Variants in SCAF11 observed in about 807,000 individuals in gnomAD.
SCAF11 encodes the protein protein SCAF11.
In SCAF11, 47 loss-of-function variants were observed where a neutral mutation model predicts 140.5. The observed-to-expected ratio is 0.33, with a 90% CI of 0.26 to 0.43. The LOEUF is 0.43. SCAF11 is among the 20% of genes least tolerant of loss of function. SCAF11 has a pLI of 1.00. For synonymous variants in SCAF11, 557 were observed against 579.4 expected (o/e 0.96, Z 0.55); for missense variants, 1,645 against 1,705.1 (o/e 0.96, Z 0.62).
rs1946570712 is a variant in SCAF11, at chr12:45,990,462, T to C, written c.-131A>G. 1.6e-6 allele frequency: 2 copies of C among 1,231,120 alleles called. No homozygotes were observed. The highest frequency in any genetic ancestry group is 8.2e-5 in the South Asian group (2 of 24,296). 76.3% of individuals were successfully genotyped at this position (1,231,120 alleles called of 1,614,324 possible). A position where few individuals can be genotyped will look rare whatever the true frequency, so the allele number is the denominator to read the frequency against. ...AACATGGACTCCTTCGTCCGCTTTG[T>C]GGTGTTACAGGGTCTCTAGGACACT... is the stretch of plus-strand genomic sequence containing the variant. On this transcript the variant is annotated 5_prime_UTR_variant, in exon 1 of 15. Transcript: ENST00000369367.
chr12:45,930,761 T>C (rs1474179623), intron 10 of SCAF11, among the ~76,000 whole-genome samples: 1 of 152,208 alleles, frequency 6.6e-6, no homozygotes, highest in Non-Finnish European at 1.5e-5. Context: ...ATCATAGATT[T>C]GTATATATTT....
rs896451604 is a variant in SCAF11, at chr12:45,990,535, C to A, written c.-204G>T. 5.7e-6 allele frequency: 7 copies of A among 1,231,818 alleles called. No individual in the cohort carries two copies. In the African/African-American group the frequency reaches 9.3e-5, roughly 16 times the overall value. The allele number at this position is 1,231,818 out of a possible 1,614,324, so 76.3% of individuals were successfully genotyped here. ...GGCGGCGGCGAAGCAGGGAGCGACC[C>A]AGGTTGCGCTGCTCCGCGCGGCTTA... On this transcript the variant is annotated 5_prime_UTR_variant, in exon 1 of 15. Transcript: ENST00000369367.
At chr12:45,964,251 A>G in intron 1 of SCAF11, 63 bp from the exon 2 acceptor site, 1 of 774,606 alleles carries the variant, frequency 1.3e-6, no homozygotes, top group Non-Finnish European at 2.1e-6. Flanking sequence ...TCAATTAAAA[A>G]AAAATCCTAA....
Position 45,956,703 on chromosome 12 carries a change from T to G in SCAF11, c.220-4976A>C, listed in dbSNP as rs1320688712. Reference sequence around the variant, plus strand: ...AAGATACCAGTTGGGGAGAATTACATGTAATCTTAATTTATTCTGACAATA... The same window carrying G: ...AAGATACCAGTTGGGGAGAATTACAGGTAATCTTAATTTATTCTGACAATA... On this transcript the variant is annotated intron_variant, in intron 3 of 14. Coordinates refer to ENST00000369367, the MANE Select transcript of SCAF11 (RefSeq NM_004719.3). Among the ~76,000 whole-genome samples the G allele has an allele frequency of 2.6e-5, 4 of 152,172 alleles. No homozygotes were observed. In the East Asian group the frequency reaches 7.7e-4, roughly 29 times the overall value.
At chr12:45,988,800 A>T (rs1170513439) in intron 1 of SCAF11, among the ~76,000 whole-genome samples, 1 of 152,204 alleles carries the variant, frequency 6.6e-6, no homozygotes, top group African/African-American at 2.4e-5. Flanking sequence ...TCACTATCTG[A>T]ATGTGAAAAA....
At chr12:45,973,000 A>G in intron 1 of SCAF11, among the ~76,000 whole-genome samples, 1 of 144,722 alleles carries the variant, frequency 6.9e-6, no homozygotes, top group South Asian at 2.2e-4. Context: ...ATAGATATAT[A>G]GATATATATA....
upstream of SCAF11, chr12:45,990,586 G>A (rs1946577329): frequency 5.7e-6 from 7 of 1,228,052 alleles, no homozygotes; most frequent in African/African-American, 1.6e-5. Flanking sequence ...CCCTTCCCCC[G>A]CCTTGTCTAG....
chr12:45,957,850 A>T (rs187825569), intron 3 of SCAF11, among the ~76,000 whole-genome samples: 168 of 152,238 alleles, frequency 1.1e-3, no homozygotes, highest in South Asian at 4.4e-3. Context: ...TAAGGGCCAA[A>T]TTTTTAATCA....
rs1179170000 is a variant in SCAF11, at chr12:45,926,198, T to C, written c.3503A>G (p.Asn1168Ser). ...VQNYYSRRGRNSSGPQSGWMK... is the reference protein window; with the variant it reads ...VQNYYSRRGRSSSGPQSGWMK... ...CCATCCAGACTGTGGACCTGAAGAA[T>C]TTCTGCCTCGTCGTGAGTAGTAGTT... Residue 1168 changes from asparagine to serine, a missense_variant, in exon 11 of 15, where the codon AAT becomes AGT. Transcript: ENST00000369367. The C allele has an allele frequency of 6.2e-7, 1 of 1,614,216 alleles. No homozygotes were observed. The highest frequency in any genetic ancestry group is 1.1e-5 in the South Asian group (1 of 91,086).
At chr12:45,990,093 G>C (rs1273193455) in intron 1 of SCAF11, among the ~76,000 whole-genome samples, 1 of 152,034 alleles carries the variant, frequency 6.6e-6, no homozygotes, top group African/African-American at 2.4e-5. Flanking sequence ...AGGCGGCGGC[G>C]GCCCAGGGCC....
In SCAF11 at chr12:45,948,635, T is replaced by G. The variant is rs11574966; in HGVS notation, c.298-98A>C. The G allele has an allele frequency of 9.4e-6, 7 of 741,570 alleles. No homozygotes were observed. The African/African-American group carries it at 1.2e-4, about 13-fold the overall frequency. 45.9% of individuals were successfully genotyped at this position (741,570 alleles called of 1,614,324 possible). Reference sequence around the variant, plus strand: ...ATGATTAAAATTACAGAAACAAAACTGTCCAATTAAAAAGTGTAGTCCAAA... The same window carrying G: ...ATGATTAAAATTACAGAAACAAAACGGTCCAATTAAAAAGTGTAGTCCAAA... On this transcript the variant is annotated intron_variant, in intron 4 of 14. Coordinates refer to ENST00000369367, the MANE Select transcript of SCAF11 (RefSeq NM_004719.3).
At chr12:45,965,686 T>G (rs748403003) in intron 1 of SCAF11, among the ~76,000 whole-genome samples, 4 of 152,234 alleles carry the variant, frequency 2.6e-5, no homozygotes, top group Non-Finnish European at 5.9e-5. Flanking sequence ...AAATATGCAT[T>G]TATATCTACG....
At chr12:45,967,600 C>T (rs372664641) in intron 1 of SCAF11, among the ~76,000 whole-genome samples, 25 of 151,702 alleles carry the variant, frequency 1.6e-4, no homozygotes, top group Admixed American at 9.8e-4. Flanking sequence ...ATCGAGATTG[C>T]GCCACTGCAC....
At chr12:45,967,593 G>A (rs1413660086) in intron 1 of SCAF11, among the ~76,000 whole-genome samples, 1 of 152,166 alleles carries the variant, frequency 6.6e-6, no homozygotes, top group East Asian at 1.9e-4. Context: ...GCAGTGAATC[G>A]AGATTGCGCC....
At chr12:45,980,494 C>T (rs1946324626) in intron 1 of SCAF11, among the ~76,000 whole-genome samples, 1 of 152,146 alleles carries the variant, frequency 6.6e-6, no homozygotes, top group South Asian at 2.1e-4. Flanking sequence ...GTGATACTGT[C>T]ATTACCCCCA....
chr12:45,972,021 G>C (rs1296134229), intron 1 of SCAF11, among the ~76,000 whole-genome samples: 2 of 152,064 alleles, frequency 1.3e-5, no homozygotes, highest in Non-Finnish European at 2.9e-5. Flanking sequence ...ACTCAAGAAA[G>C]TAACAGCTGT....
At chr12:45,953,743 C>T (rs1395964463) in intron 3 of SCAF11, 2 of 339,038 alleles carry the variant, frequency 5.9e-6, no homozygotes, top group Admixed American at 3.9e-5. Context: ...GTGCTACTTT[C>T]GTATCTTTTT....
At chr12:45,966,753 T>C (rs1481829955) in intron 1 of SCAF11, among the ~76,000 whole-genome samples, 3 of 152,116 alleles carry the variant, frequency 2.0e-5, no homozygotes, top group African/African-American at 7.2e-5. Context: ...AACAAAGAGA[T>C]GAATGACTGG....
At chr12:45,926,044 A>C (rs1944848843) in intron 11 of SCAF11, 98 bp downstream of exon 11, 15 of 1,297,410 alleles carry the variant, frequency 1.2e-5, no homozygotes, top group African/African-American at 1.5e-5. Flanking sequence ...TTATTATAAA[A>C]ACTACAAATA....
Sources: gnomAD v4.1 joint callset for allele counts (sites outside exome capture counted in the v4.1 genomes callset) on GRCh38, gnomAD v4.1.1 for gene constraint, MANE v1.5 for transcripts, NCBI Gene and HGNC (gene_info 2026-07-23, HGNC 2026-07-21) for gene names.